Variants in SLC35E2B observed in about 807,000 individuals in gnomAD.
The protein encoded by SLC35E2B is solute carrier family 35, member E2B.
A neutral mutation model predicts 32.4 loss-of-function variants in SLC35E2B; 18 were observed. That is an observed-to-expected ratio of 0.56 (90% confidence interval 0.38 to 0.82). The LOEUF is 0.82. SLC35E2B is among the 40% of genes least tolerant of loss of function. SLC35E2B has a pLI of 0.00. For missense variants in SLC35E2B, 263 were observed against 469.5 expected, an observed-to-expected ratio of 0.56 and a Z score of 4.06; for synonymous variants, 132 against 209.1, an observed-to-expected ratio of 0.63 and a Z score of 3.18.
At chr1:1,668,654 G>T (rs1482865705) in intron 8 of SLC35E2B, among the ~76,000 whole-genome samples, 182 bp from the exon 9 acceptor site, 6 of 146,600 alleles carry the variant, frequency 4.1e-5, no homozygotes, top group Non-Finnish European at 9.2e-5. Context: ...TGTTTTTTTT[G>T]TTTGTTTGTT....
chr1:1,666,045 G>C, intron 9 of SLC35E2B, 26 bp from the exon 10 acceptor site: 2 of 1,542,382 alleles, frequency 1.3e-6, no homozygotes, highest in Non-Finnish European at 1.8e-6. Context: ...GAGGCAGCAG[G>C]GGCGCTCAGG....
chr1:1,678,946 G>C (rs1369024576), intron 2 of SLC35E2B, among the ~76,000 whole-genome samples: 1 of 152,154 alleles, frequency 6.6e-6, no homozygotes, highest in Non-Finnish European at 1.5e-5. Context: ...GGGTGCGGCA[G>C]AGCAAAAGGA....
At chr1:1,681,387 T>G (rs1643898617) in intron 2 of SLC35E2B, among the ~76,000 whole-genome samples, 1 of 150,144 alleles carries the variant, frequency 6.7e-6, no homozygotes, top group Admixed American at 6.7e-5. Flanking sequence ...TTGTATTTTT[T>G]TAGTAGAGAC....
In SLC35E2B at chr1:1,670,085, G is replaced by GAAT. The variant is rs753946957; in HGVS notation, c.761+10_761+12dup. On this transcript the variant is annotated intron_variant, in intron 7 of 9. Transcript: ENST00000617444. Reference sequence around the variant, plus strand: ...CTTATGACTTGGAGATTTCACTGACGAATAATACTTACGAGAACCTGTATT... The same window carrying GAAT: ...CTTATGACTTGGAGATTTCACTGACGAATAATAATACTTACGAGAACCTGTATT... The GAAT allele has an allele frequency of 6.5e-7, 1 of 1,548,438 alleles. No homozygotes were observed. Among genetic ancestry groups the GAAT allele is most frequent in the Non-Finnish European group, 8.7e-7 (1 of 1,143,704 alleles).
intron 2 of SLC35E2B, among the ~76,000 whole-genome samples, chr1:1,689,892 CAGG>C (rs2101122572): frequency 6.7e-6 from 1 of 150,362 alleles, no homozygotes; most frequent in Non-Finnish European, 1.5e-5. Context: ...GAGGGTGAGG[CAGG>C]AGAATTGCTT....
At position 1,687,315 on chromosome 1, in the gene SLC35E2B, G is replaced by A. The variant is rs1195499973; in HGVS notation, c.-148+3661C>T. Among the ~76,000 whole-genome samples the A allele has an allele frequency of 9.8e-5, 15 of 152,304 alleles. No individual in the cohort carries two copies. In the East Asian group the frequency reaches 2.7e-3, roughly 27 times the overall value. On this transcript the variant is annotated intron_variant, in intron 2 of 9. Coordinates refer to ENST00000617444, the MANE Select transcript of SLC35E2B (RefSeq NM_001290264.2). ...AAAGGGGCTGGGCGCAATGGCTCACGCCTGTAATCCTAGCACTTTGGGAGG... is the reference window on the plus strand; with the variant it reads ...AAAGGGGCTGGGCGCAATGGCTCACACCTGTAATCCTAGCACTTTGGGAGG...
chr1:1,687,820 G>A (rs749741620), intron 2 of SLC35E2B, among the ~76,000 whole-genome samples: 9 of 151,696 alleles, frequency 5.9e-5, no homozygotes, highest in Non-Finnish European at 1.2e-4. Flanking sequence ...GCTTGAACCC[G>A]GAGGCGGAGG....
chr1:1,679,256 G>A (rs1028192657), intron 2 of SLC35E2B, among the ~76,000 whole-genome samples: 2 of 152,178 alleles, frequency 1.3e-5, no homozygotes, highest in Non-Finnish European at 1.5e-5. Context: ...CCCACCTGAC[G>A]TCGAGGCAAA....
intron 2 of SLC35E2B, among the ~76,000 whole-genome samples, chr1:1,688,346 C>T (rs975167969): frequency 3.9e-5 from 6 of 152,104 alleles, no homozygotes; most frequent in Non-Finnish European, 5.9e-5. Context: ...CTGGCTCACA[C>T]CTGCCATCCC....
chr1:1,669,700 C>T lies in SLC35E2B; in HGVS notation c.798G>A (p.Ala266=), dbSNP rs371413375. The stretch of plus-strand genomic sequence containing the variant: ...CCCGGGCCGGGACGAGCATGGCCAC[C>T]GCAGCGGCGCTGGTGTAGAACTGCA... The part of the protein sequence containing the change: ...PELQFYTSAA[A]VAMLVPARVF... Residue 266 remains alanine, a synonymous_variant, in exon 8 of 10, where the codon GCG becomes GCA. Coordinates refer to ENST00000617444, the MANE Select transcript of SLC35E2B (RefSeq NM_001290264.2). The T allele has an allele frequency of 8.5e-5, 130 of 1,537,262 alleles. 1 individual carries two copies. In the East Asian group the frequency reaches 1.7e-3, roughly 20 times the overall value.
At chr1:1,690,435 C>G (rs1644005616) in intron 2 of SLC35E2B, among the ~76,000 whole-genome samples, 1 of 147,310 alleles carries the variant, frequency 6.8e-6, no homozygotes. Context: ...AGTAGAAAAA[C>G]AGGCAAAAAA....
rs1643467842 is a variant in SLC35E2B at position 1,663,756 on chromosome 1, A to G, written c.*2026T>C. On this transcript the variant is annotated 3_prime_UTR_variant, in exon 10 of 10. Transcript: ENST00000617444. ...AGTGCTGCGATTAGAGGCGTGAGCC[A>G]CCGCACCCAGTCTTCTATTAGTTTT... 10 of 748,632 alleles carry G rather than the reference A, an allele frequency of 1.3e-5. 2 individuals are homozygous for G. The South Asian group carries it at 4.9e-4, about 37-fold the overall frequency. 46.4% of individuals were successfully genotyped at this position (748,632 alleles called of 1,614,324 possible).
At chr1:1,679,263 C>A (rs1255441682) in intron 2 of SLC35E2B, among the ~76,000 whole-genome samples, 1 of 152,192 alleles carries the variant, frequency 6.6e-6, no homozygotes, top group Non-Finnish European at 1.5e-5. Flanking sequence ...GACGTCGAGG[C>A]AAACCTGGAA....
In SLC35E2B at chr1:1,664,718, C is replaced by T. The variant is rs1203169159; in HGVS notation, c.*1064G>A. The T allele has an allele frequency of 1.6e-5, 14 of 887,326 alleles. 2 individuals are homozygous for T. Among genetic ancestry groups the T allele is most frequent in the Admixed American group, 1.3e-4 (2 of 15,184 alleles). The allele number at this position is 887,326 out of a possible 1,614,324, so 55.0% of individuals were successfully genotyped here. The stretch of plus-strand genomic sequence containing the variant: ...GGGTGGGCGCCTGACACACACCACG[C>T]GCCCCAGAAACATTCAGTGTGGACG... On this transcript the variant is annotated 3_prime_UTR_variant, in exon 10 of 10. Transcript: ENST00000617444.
rs953970349 is a variant in SLC35E2B at position 1,665,090 on chromosome 1, G to A, written c.*692C>T. The stretch of plus-strand genomic sequence containing the variant: ...GCCCAGGGTGTGGAAGGGATAGGAG[G>A]GCAGGGTGTGGAAGAGGTAGGGGGC... On this transcript the variant is annotated 3_prime_UTR_variant, in exon 10 of 10. Transcript: ENST00000617444. 4.5e-5 allele frequency: 17 copies of A among 381,070 alleles called. 2 individuals are homozygous for A. Among genetic ancestry groups the A allele is most frequent in the Admixed American group, 1.9e-4 (3 of 15,572 alleles). 23.6% of individuals were successfully genotyped at this position (381,070 alleles called of 1,614,324 possible).
chr1:1,689,135 A>G lies in SLC35E2B; in HGVS notation c.-148+1841T>C, dbSNP rs117395153. 6.9e-4 allele frequency among the ~76,000 whole-genome samples: 105 copies of G among 152,160 alleles called. 1 individual carries two copies. In the East Asian group the frequency reaches 0.015, roughly 22 times the overall value. ...TTTAGTGAGCTGAGATTGCACCACT[A>G]CACTCCAACCTGGCTGACAGAGCGA... On this transcript the variant is annotated intron_variant, in intron 2 of 9. Coordinates refer to ENST00000617444, the MANE Select transcript of SLC35E2B (RefSeq NM_001290264.2).
rs182604923 is a variant in SLC35E2B at position 1,681,602 on chromosome 1, A to C, written c.-147-4756T>G. Among the ~76,000 whole-genome samples, 879 of 149,086 alleles carry C rather than the reference A, an allele frequency of 5.9e-3. 11 individuals carry two copies. Among genetic ancestry groups the C allele is most frequent in the African/African-American group, 0.021 (850 of 40,426 alleles). Reference sequence around the variant, plus strand: ...GCTCACCGTAGCCCCCACTTCTTGGATTCAAGGGATTCGCATGCCTCAGCC... The same window carrying C: ...GCTCACCGTAGCCCCCACTTCTTGGCTTCAAGGGATTCGCATGCCTCAGCC... On this transcript the variant is annotated intron_variant, in intron 2 of 9. Transcript: ENST00000617444.
chr1:1,689,201 C>G (rs866865088), intron 2 of SLC35E2B, among the ~76,000 whole-genome samples: 4 of 152,128 alleles, frequency 2.6e-5, no homozygotes, highest in South Asian at 2.1e-4. Context: ...TCTGGTGTAC[C>G]CAGAATGGAG....
At chr1:1,684,802 A>AG in intron 2 of SLC35E2B, among the ~76,000 whole-genome samples, 1 of 147,378 alleles carries the variant, frequency 6.8e-6, no homozygotes, top group East Asian at 2.0e-4. Context: ...AAAAAAAAAA[A>AG]AAAAAAAAAA....
Sources: gnomAD v4.1 joint callset for allele counts (sites outside exome capture counted in the v4.1 genomes callset) on GRCh38, gnomAD v4.1.1 for gene constraint, MANE v1.5 for transcripts, NCBI Gene and HGNC (gene_info 2026-07-23, HGNC 2026-07-21) for gene names.